The following CRTAC1 variants were observed in gnomAD, a reference collection of about 807,000 sequenced individuals.
CRTAC1 encodes acidic secreted protein in cartilage.
A neutral mutation model predicts 67.8 loss-of-function variants in CRTAC1; 37 were observed. The observed-to-expected ratio is 0.55, with a 90% confidence interval of 0.42 to 0.72. The LOEUF is 0.72. CRTAC1 is among the 30% of genes least tolerant of loss of function. The pLI, the probability that CRTAC1 is intolerant of heterozygous loss-of-function variation, is 0.00. For synonymous variants in CRTAC1, 348 were observed against 371.0 expected (o/e 0.94, Z 0.71); for missense variants, 780 against 931.6 (o/e 0.84, Z 2.12).
At chr10:98,022,217 T>C (rs2136706383) in intron 1 of CRTAC1, among the ~76,000 whole-genome samples, 1 of 151,942 alleles carries the variant, frequency 6.6e-6, no homozygotes, top group South Asian at 2.1e-4. Context: ...TAGCTGGGTG[T>C]GGTGGTGCAT....
At chr10:97,923,515 G>A in intron 3 of CRTAC1, 115 bp from the exon 4 acceptor site, 2 of 1,266,704 alleles carry the variant, frequency 1.6e-6, no homozygotes, top group Non-Finnish European at 2.2e-6. Context: ...AGGAGGTTGG[G>A]TCATCTGCGG....
chr10:97,904,329 G>A (rs986145975), intron 7 of CRTAC1, among the ~76,000 whole-genome samples: 1 of 152,194 alleles, frequency 6.6e-6, no homozygotes, highest in Non-Finnish European at 1.5e-5. Context: ...CTGGTGGGAG[G>A]AGCGAGGCAG....
chr10:97,865,803 GCTCACCC>G, intron 14 of CRTAC1, 89 bp from the exon 15 acceptor site: 1 of 1,137,934 alleles, frequency 8.8e-7, no homozygotes, highest in Non-Finnish European at 1.2e-6. Context: ...CATTCTTTGG[GCTCACCC>G]TGCTGCCCGG....
intron 2 of CRTAC1, among the ~76,000 whole-genome samples, chr10:98,005,100 A>ATATATATTTTTTTTTTTTTTT: frequency 4.1e-5 from 2 of 48,884 alleles, no homozygotes; most frequent in African/African-American, 1.2e-4. Flanking sequence ...ATATATATAT[A>ATATATATTTTTTTTTTTTTTT]TTTTTTTTTT....
chr10:97,978,880 G>A (rs949491515), intron 2 of CRTAC1, among the ~76,000 whole-genome samples: 6 of 152,208 alleles, frequency 3.9e-5, no homozygotes, highest in South Asian at 4.2e-4. Context: ...GGGCTGTCTC[G>A]TCTACCATTC....
At chr10:97,917,927 T>C (rs2136588751) in intron 4 of CRTAC1, among the ~76,000 whole-genome samples, 1 of 152,102 alleles carries the variant, frequency 6.6e-6, no homozygotes, top group African/African-American at 2.4e-5. Context: ...CCCCTCCCTC[T>C]CCCCCACAAC....
chr10:97,925,521 G>C (rs1177887527), intron 3 of CRTAC1, among the ~76,000 whole-genome samples: 1 of 151,468 alleles, frequency 6.6e-6, no homozygotes, highest in Admixed American at 6.6e-5. Context: ...ATCAGTGAGA[G>C]TGAGTGTGGG....
At chr10:98,027,084 G>A (rs1430870491) in intron 1 of CRTAC1, among the ~76,000 whole-genome samples, 5 of 151,602 alleles carry the variant, frequency 3.3e-5, no homozygotes, top group African/African-American at 1.2e-4. Flanking sequence ...GGAGAATGGC[G>A]TGAACCCGGG....
rs78172170 is a variant in CRTAC1 at position 97,998,830 on chromosome 10, G to A, written c.224+12308C>T. Among the ~76,000 whole-genome samples, 461 of 152,332 alleles carry A rather than the reference G, an allele frequency of 3.0e-3. 3 individuals carry two copies. The highest frequency in any genetic ancestry group is 0.01 in the African/African-American group (421 of 41,578). On this transcript the variant is annotated intron_variant, in intron 2 of 14. Coordinates refer to ENST00000370597, the MANE Select transcript of CRTAC1 (RefSeq NM_018058.7). Reference sequence around the variant, plus strand: ...CTAAAATACTATGCAAATGCCAAGAGTAGGGGTTCAGAGTTAACATGTCCT... The same window carrying A: ...CTAAAATACTATGCAAATGCCAAGAATAGGGGTTCAGAGTTAACATGTCCT...
chr10:97,895,996 T>G lies in CRTAC1; in HGVS notation c.1217-11A>C. On this transcript the variant is annotated splice_polypyrimidine_tract_variant and intron_variant, in intron 9 of 14. Coordinates refer to ENST00000370597, the MANE Select transcript of CRTAC1 (RefSeq NM_018058.7). This position sits in a 1 kb window ranked among gnomAD's most constrained non-coding sequence, Gnocchi z 4.2. ...CGGTCACCACACCCCCTACAAACAA[T>G]GCAGATTTCACCTCTGGCCGTAATC... 1 of 1,611,724 alleles carries G rather than the reference T, an allele frequency of 6.2e-7. No homozygotes were observed. The highest frequency in any genetic ancestry group is 1.1e-5 in the South Asian group (1 of 91,016).
intron 2 of CRTAC1, among the ~76,000 whole-genome samples, chr10:97,941,751 G>A (rs569273553): frequency 6.6e-6 from 1 of 152,084 alleles, no homozygotes; most frequent in Non-Finnish European, 1.5e-5. Context: ...ACCCTTCTCT[G>A]TTGCCTCACT....
At chr10:97,911,878 CTTTA>C (rs2050692327) in intron 5 of CRTAC1, among the ~76,000 whole-genome samples, 1 of 152,188 alleles carries the variant, frequency 6.6e-6, no homozygotes, top group African/African-American at 2.4e-5. Context: ...TTAGGAACAT[CTTTA>C]TTTAGCTTTG....
At chr10:97,892,596 A>G (rs1233225697) in intron 11 of CRTAC1, among the ~76,000 whole-genome samples, 1 of 152,184 alleles carries the variant, frequency 6.6e-6, no homozygotes, top group Non-Finnish European at 1.5e-5. Flanking sequence ...CAGTTTTCTG[A>G]CCTGTAAAAT....
intron 2 of CRTAC1, among the ~76,000 whole-genome samples, chr10:97,952,109 T>C (rs1302966539): frequency 6.6e-6 from 1 of 152,066 alleles, no homozygotes; most frequent in Non-Finnish European, 1.5e-5. Context: ...TTCCAGCACT[T>C]TGGGAGGCCG....
At chr10:98,023,382 C>T (rs1010587385) in intron 1 of CRTAC1, among the ~76,000 whole-genome samples, 2 of 152,160 alleles carry the variant, frequency 1.3e-5, no homozygotes, top group African/African-American at 2.4e-5. Context: ...AGAATGGCCA[C>T]CAACATTCAC....
At chr10:97,923,226 T>G in intron 4 of CRTAC1, 38 bp downstream of exon 4, 1 of 1,612,642 alleles carries the variant, frequency 6.2e-7, no homozygotes, top group Non-Finnish European at 8.5e-7. Context: ...GGCTCTCATG[T>G]GGCTTCTCCC....
intron 11 of CRTAC1, among the ~76,000 whole-genome samples, chr10:97,886,215 C>A (rs1252416290): frequency 6.6e-6 from 1 of 152,178 alleles, no homozygotes; most frequent in African/African-American, 2.4e-5. Flanking sequence ...TGAGCCACAT[C>A]CCCCAGCTTC....
At chr10:97,960,664 A>T (rs1166740229) in intron 2 of CRTAC1, among the ~76,000 whole-genome samples, 1 of 152,234 alleles carries the variant, frequency 6.6e-6, no homozygotes, top group African/African-American at 2.4e-5. Context: ...CCCTGGACAG[A>T]GCCTTTCTTC....
intron 4 of CRTAC1, among the ~76,000 whole-genome samples, chr10:97,919,614 A>AC (rs2050807294): frequency 1.3e-5 from 2 of 152,026 alleles, no homozygotes; most frequent in South Asian, 4.2e-4. Flanking sequence ...TGGTCCCTAC[A>AC]CCAGTGGCAT....
Sources: allele counts gnomAD v4.1 joint callset (sites outside exome capture counted in the v4.1 genomes callset), GRCh38; gene constraint gnomAD v4.1.1; non-coding constraint Gnocchi (gnomAD v3.1); transcripts MANE v1.5; gene names NCBI Gene and HGNC (gene_info 2026-07-23, HGNC 2026-07-21).